The following PCDH15 variants were observed in gnomAD, a reference collection of about 807,000 sequenced individuals.
The protein encoded by PCDH15 is protocadherin-15.
Under a neutral mutation model 178.5 loss-of-function variants are expected in PCDH15, and 129 were observed. The observed-to-expected ratio is 0.72, with a 90% CI of 0.63 to 0.84. The LOEUF (loss-of-function observed/expected upper bound fraction) is 0.84. Among genes scored for constraint, PCDH15 ranks in the 40% least tolerant of loss-of-function variants. The pLI, the probability that PCDH15 is intolerant of heterozygous loss-of-function variation, is 0.00. For synonymous variants in PCDH15, 800 were observed against 732.0 expected (o/e 1.09, Z -1.50); for missense variants, 2,230 against 2,099.9 (o/e 1.06, Z -1.21).
chr10:55,326,548 T>TA (rs780508644), intron 2 of PCDH15, among the ~76,000 whole-genome samples: 5 of 151,640 alleles, frequency 3.3e-5, no homozygotes, highest in African/African-American at 1.2e-4. Context: ...ACCTAAAAGT[T>TA]AAAAAAGACA....
At chr10:55,478,617 C>A (rs1307560503) in intron 2 of PCDH15, among the ~76,000 whole-genome samples, 1 of 149,238 alleles carries the variant, frequency 6.7e-6, no homozygotes, top group African/African-American at 2.5e-5. Context: ...AAACCAAACA[C>A]AAAATTAGGA....
chr10:54,143,193 A>G (rs12262873), intron 14 of PCDH15, among the ~76,000 whole-genome samples: 2,347 of 152,176 alleles, frequency 0.015, 75 homozygotes, highest in African/African-American at 0.054. Flanking sequence ...CCTTTGGGTG[A>G]TATTTATATG....
chr10:53,867,106 C>T (rs1334458387), intron 26 of PCDH15, among the ~76,000 whole-genome samples: 1 of 152,068 alleles, frequency 6.6e-6, no homozygotes, highest in Non-Finnish European at 1.5e-5. Flanking sequence ...AGGTATAATT[C>T]TGTACCCTTT....
At chr10:54,765,952 TATA>T (rs1021828321) in intron 1 of PCDH15, among the ~76,000 whole-genome samples, 6 of 152,202 alleles carry the variant, frequency 3.9e-5, no homozygotes, top group Admixed American at 1.3e-4. Context: ...TGTTAGGATT[TATA>T]ACTTTACACT....
At chr10:54,740,336 C>A (rs1355956416) in intron 1 of PCDH15, among the ~76,000 whole-genome samples, 2 of 151,758 alleles carry the variant, frequency 1.3e-5, no homozygotes, top group Non-Finnish European at 2.9e-5. Context: ...TATCATCTCA[C>A]CCCAGTTAAA....
intron 3 of PCDH15, among the ~76,000 whole-genome samples, chr10:54,826,594 C>T (rs1011142267): frequency 6.6e-6 from 1 of 151,676 alleles, no homozygotes; most frequent in Non-Finnish European, 1.5e-5. Context: ...GTTGGAAAAT[C>T]TAATTCGACT....
intron 2 of PCDH15, among the ~76,000 whole-genome samples, chr10:55,396,763 A>T (rs1837939520): frequency 6.6e-6 from 1 of 152,200 alleles, no homozygotes. Flanking sequence ...CAAAGGTGGT[A>T]AGTCAAAATG....
intron 3 of PCDH15, among the ~76,000 whole-genome samples, chr10:54,517,486 G>T (rs1380545224): frequency 6.6e-6 from 1 of 151,934 alleles, no homozygotes; most frequent in African/African-American, 2.4e-5. Context: ...AATGGTAAAG[G>T]GATCAATTCA....
chr10:55,092,388 T>C (rs958161463), intron 2 of PCDH15, among the ~76,000 whole-genome samples: 1 of 151,920 alleles, frequency 6.6e-6, no homozygotes, highest in Non-Finnish European at 1.5e-5. Flanking sequence ...ACTTCACTTA[T>C]CTTTCATGAA....
intron 2 of PCDH15, among the ~76,000 whole-genome samples, chr10:55,537,496 C>A (rs567320001): frequency 1.3e-5 from 2 of 151,986 alleles, no homozygotes; most frequent in Non-Finnish European, 2.9e-5. Context: ...AGTGCAGTGG[C>A]GTGATCCTGG....
intron 1 of PCDH15, among the ~76,000 whole-genome samples, chr10:54,742,443 C>T (rs1944932256): frequency 6.6e-6 from 1 of 151,894 alleles, no homozygotes; most frequent in Non-Finnish European, 1.5e-5. Flanking sequence ...AATGTATCTA[C>T]CTAAATGGAA....
chr10:54,010,087 C>T (rs1038296965), intron 20 of PCDH15, among the ~76,000 whole-genome samples: 2 of 152,146 alleles, frequency 1.3e-5, no homozygotes, highest in African/African-American at 2.4e-5. Flanking sequence ...GTTCCTGGGT[C>T]GGGAGCAGCT....
At chr10:54,541,148 C>T (rs1483548321) in intron 2 of PCDH15, among the ~76,000 whole-genome samples, 1 of 152,050 alleles carries the variant, frequency 6.6e-6, no homozygotes, top group Non-Finnish European at 1.5e-5. Context: ...TGACATAGTA[C>T]TAGAAGTCCT....
chr10:54,359,973 G>A (rs2795940), intron 5 of PCDH15, among the ~76,000 whole-genome samples: 17,462 of 152,100 alleles, frequency 0.11, 1,782 homozygotes, highest in African/African-American at 0.28. Flanking sequence ...AAATCAGCAT[G>A]TAATACCAGG....
At position 54,487,486 on chromosome 10, in the gene PCDH15, A is replaced by G. The variant is rs536661316; in HGVS notation, c.157+40326T>C. On this transcript the variant is annotated intron_variant, in intron 3 of 37. Transcript: ENST00000644397. ...AGCAAAATTACACTGTTGTCACATA[A>G]ATTTATACAAATAAAAATAAATCAC... 3.9e-5 allele frequency among the ~76,000 whole-genome samples: 6 copies of G among 152,170 alleles called. No homozygotes were observed. In the East Asian group the frequency reaches 1.2e-3, roughly 29 times the overall value.
At chr10:54,222,158 G>A (rs1564718979) in intron 9 of PCDH15, among the ~76,000 whole-genome samples, 1 of 152,080 alleles carries the variant, frequency 6.6e-6, no homozygotes, top group Non-Finnish European at 1.5e-5. Context: ...CATTTATCTT[G>A]AGCAAATATC....
chr10:55,330,350 T>C lies in PCDH15; in HGVS notation c.-155-163699A>G, dbSNP rs1021870775. Among the ~76,000 whole-genome samples, 3 of 151,928 alleles carry C rather than the reference T, an allele frequency of 2.0e-5. No individual in the cohort carries two copies. The East Asian group carries it at 5.8e-4, about 29-fold the overall frequency. ...CACTGATGAAAACCACTTATACATA[T>C]AAAGCCACTTTAACAGATGTAAAGA... On this transcript the variant is annotated intron_variant, in intron 2 of 5. Coordinates refer to the PCDH15 transcript ENST00000613346.
intron 2 of PCDH15, among the ~76,000 whole-genome samples, chr10:55,439,189 A>C (rs1487471682): frequency 6.6e-6 from 1 of 152,118 alleles, no homozygotes; most frequent in African/African-American, 2.4e-5. Flanking sequence ...TCAAAGTATA[A>C]GGACCTCCAA....
chr10:54,351,643 C>T (rs1232897089), intron 5 of PCDH15, among the ~76,000 whole-genome samples: 1 of 152,138 alleles, frequency 6.6e-6, no homozygotes, highest in African/African-American at 2.4e-5. Flanking sequence ...CCTGCCTGTT[C>T]CTGGTTCCTC....
Sources: gnomAD v4.1 joint callset for allele counts (sites outside exome capture counted in the v4.1 genomes callset) on GRCh38, gnomAD v4.1.1 for gene constraint, MANE v1.5 for transcripts, NCBI Gene and HGNC (gene_info 2026-07-23, HGNC 2026-07-21) for gene names.